The following TRHDE variants were observed in gnomAD, a reference collection of about 807,000 sequenced individuals.
The protein encoded by TRHDE is thyrotropin-releasing hormone-degrading ectoenzyme.
A neutral mutation model predicts 125.7 loss-of-function variants in TRHDE; 72 were observed. That is an observed-to-expected ratio of 0.57 (90% CI 0.47 to 0.70). The LOEUF is 0.70. TRHDE is among the 30% of genes least tolerant of loss of function. The pLI, the probability that TRHDE is intolerant of heterozygous loss-of-function variation, is 0.00. For missense variants in TRHDE, 1,110 were observed against 1,327.1 expected, an observed-to-expected ratio of 0.84 and a Z score of 2.54; for synonymous variants, 509 against 509.1, an observed-to-expected ratio of 1.00 and a Z score of 0.00.
chr12:72,623,831 C>T (rs530470294), intron 15 of TRHDE, among the ~76,000 whole-genome samples: 46 of 152,074 alleles, frequency 3.0e-4, no homozygotes, highest in Admixed American at 2.6e-3. Flanking sequence ...TTAATAATTG[C>T]GGTCACGTTT....
chr12:72,623,634 G>GT (rs1873140084), intron 15 of TRHDE, among the ~76,000 whole-genome samples: 2 of 152,044 alleles, frequency 1.3e-5, no homozygotes, highest in Non-Finnish European at 2.9e-5. Flanking sequence ...GTACAAGATA[G>GT]AGTGTGAACA....
At chr12:72,394,714 G>T (rs1404476394) in intron 3 of TRHDE, among the ~76,000 whole-genome samples, 3 of 152,012 alleles carry the variant, frequency 2.0e-5, no homozygotes, top group African/African-American at 7.2e-5. Flanking sequence ...TTTACATCTT[G>T]CAGCATACAA....
chr12:72,140,035 C>T (rs2139313625), intron 2 of TRHDE: 1 of 152,310 alleles, frequency 6.6e-6, no homozygotes, highest in Admixed American at 6.5e-5. Context: ...AAATGTATTT[C>T]TTTGACATAT....
intron 2 of TRHDE, among the ~76,000 whole-genome samples, chr12:72,291,553 C>T (rs1353649861): frequency 6.6e-6 from 1 of 152,206 alleles, no homozygotes; most frequent in South Asian, 2.1e-4. Flanking sequence ...CAGCACATAT[C>T]CATGAGTTCT....
intron 7 of TRHDE, among the ~76,000 whole-genome samples, chr12:72,543,450 T>C (rs2135988906): frequency 6.6e-6 from 1 of 151,622 alleles, no homozygotes; most frequent in South Asian, 2.1e-4. Flanking sequence ...GCTGAATCCA[T>C]TGAATCTATT....
At chr12:72,404,226 C>T (rs946895909) in intron 3 of TRHDE, among the ~76,000 whole-genome samples, 2 of 152,062 alleles carry the variant, frequency 1.3e-5, no homozygotes, top group Non-Finnish European at 2.9e-5. Flanking sequence ...CCAACCTGGG[C>T]AACATGATGA....
intron 2 of TRHDE, among the ~76,000 whole-genome samples, chr12:72,246,277 A>G (rs1208987019): frequency 6.6e-6 from 1 of 152,104 alleles, no homozygotes; most frequent in Non-Finnish European, 1.5e-5. Context: ...TGCCAACCAA[A>G]TAGAGAGAGA....
intron 3 of TRHDE, among the ~76,000 whole-genome samples, chr12:72,467,910 G>T (rs941950315): frequency 6.2e-4 from 95 of 152,290 alleles, no homozygotes; most frequent in African/African-American, 2.1e-3. Flanking sequence ...TTATAAGACT[G>T]TTGACTATTT....
At chr12:72,377,968 G>C in intron 2 of TRHDE, 27 bp from the exon 3 acceptor site, 2 of 1,512,098 alleles carry the variant, frequency 1.3e-6, no homozygotes, top group Non-Finnish European at 1.8e-6. Context: ...AAAGGCTAAA[G>C]TAACTTTTAT....
At chr12:72,483,202 T>G (rs1341817553) in intron 5 of TRHDE, among the ~76,000 whole-genome samples, 2 of 152,038 alleles carry the variant, frequency 1.3e-5, no homozygotes, top group Admixed American at 1.3e-4. Context: ...ATCAATGCCC[T>G]CTAAGTCTCA....
At chr12:72,237,620 G>A (rs1337627331) in intron 2 of TRHDE, among the ~76,000 whole-genome samples, 1 of 152,168 alleles carries the variant, frequency 6.6e-6, no homozygotes, top group East Asian at 1.9e-4. Flanking sequence ...GTTTAAAAAT[G>A]ACAGTTTCCA....
intron 2 of TRHDE, among the ~76,000 whole-genome samples, chr12:72,164,288 A>G (rs953393564): frequency 6.6e-6 from 1 of 152,140 alleles, no homozygotes; most frequent in Admixed American, 6.6e-5. Flanking sequence ...AATGAAGGCC[A>G]ACTCTGGCGA....
chr12:72,645,675 T>C (rs1423131089), intron 15 of TRHDE, among the ~76,000 whole-genome samples: 1 of 152,022 alleles, frequency 6.6e-6, no homozygotes, highest in African/African-American at 2.4e-5. Context: ...CACATTATAA[T>C]TAAATTGGCA....
At chr12:72,258,477 T>C (rs1839114190) in intron 2 of TRHDE, among the ~76,000 whole-genome samples, 1 of 152,178 alleles carries the variant, frequency 6.6e-6, no homozygotes, top group Non-Finnish European at 1.5e-5. Context: ...TTGGCTTATA[T>C]AACTTTAGAG....
chr12:72,114,438 C>A (rs1396384331), intron 2 of TRHDE, among the ~76,000 whole-genome samples: 1 of 152,000 alleles, frequency 6.6e-6, no homozygotes, highest in Non-Finnish European at 1.5e-5. Context: ...ATACCATATT[C>A]TTAAAGTAAG....
At chr12:72,097,727 A>C (rs1874965959) in intron 1 of TRHDE, among the ~76,000 whole-genome samples, 1 of 152,158 alleles carries the variant, frequency 6.6e-6, no homozygotes, top group South Asian at 2.1e-4. Flanking sequence ...CTGGGATTAG[A>C]GGCGTGAGCC....
chr12:72,662,981 T>A, intron 18 of TRHDE, 71 bp from the exon 19 acceptor site: 7 of 1,445,128 alleles, frequency 4.8e-6, no homozygotes, highest in Non-Finnish European at 6.6e-6. Context: ...AATAGATTCT[T>A]GTTCATGTTT....
At chr12:72,629,683 AC>A (rs1873400629) in intron 15 of TRHDE, among the ~76,000 whole-genome samples, 3 of 151,766 alleles carry the variant, frequency 2.0e-5, no homozygotes, top group African/African-American at 7.2e-5. Flanking sequence ...TTGTACTAAG[AC>A]ACAGTGAGTA....
At chr12:72,507,480 G>A (rs552103500) in intron 6 of TRHDE, among the ~76,000 whole-genome samples, 9 of 152,156 alleles carry the variant, frequency 5.9e-5, no homozygotes, top group Non-Finnish European at 1.3e-4. Context: ...GAACTTGAGC[G>A]TGATGGTTTA....
Sources: gnomAD v4.1 joint callset for allele counts (sites outside exome capture counted in the v4.1 genomes callset) on GRCh38, gnomAD v4.1.1 for gene constraint, MANE v1.5 for transcripts, NCBI Gene and HGNC (gene_info 2026-07-23, HGNC 2026-07-21) for gene names.